The following TBR1 variants were observed in gnomAD, a reference collection of about 807,000 sequenced individuals.
TBR1 encodes the protein T-box brain transcription factor 1.
A neutral mutation model predicts 60.3 loss-of-function variants in TBR1; 7 were observed. The ratio of observed to expected loss-of-function variants is 0.12; its 90% CI spans 0.07 to 0.22. TBR1 has a LOEUF of 0.22. TBR1 is among the 10% of genes least tolerant of loss of function. TBR1 has a pLI of 1.00. For missense variants in TBR1, 616 were observed against 936.8 expected (o/e 0.66, Z 4.47); for synonymous variants, 417 against 409.9 (o/e 1.02, Z -0.21).
At chr2:161,418,758 G>A in intron 3 of TBR1, 134 bp from the exon 4 acceptor site, 1 of 1,239,126 alleles carries the variant, frequency 8.1e-7, no homozygotes, top group Non-Finnish European at 1.1e-6. Flanking sequence ...GGCGAGTCCC[G>A]CGGTCAGTTA....
At chr2:161,423,212 C>T (rs1684259104) in intron 5 of TBR1, 157 bp from the exon 6 acceptor site, 2 of 514,900 alleles carry the variant, frequency 3.9e-6, no homozygotes, top group Non-Finnish European at 3.3e-6. Context: ...TCTGTGGCCT[C>T]TTGTATTCTC....
Position 161,417,376 on chromosome 2 carries a change from G to T in TBR1, c.692+274G>T. On this transcript the variant is annotated intron_variant, in intron 1 of 5. Coordinates refer to ENST00000389554, the MANE Select transcript of TBR1 (RefSeq NM_006593.4). This position sits in a 1 kb window ranked among gnomAD's most constrained non-coding sequence, Gnocchi z 5.3. The stretch of plus-strand genomic sequence containing the variant: ...AGCCCTGGCCAGCGGCTGGGCGATG[G>T]GAGGGACGCATCAACACTGGCATGC... The T allele has an allele frequency of 1.8e-6, 1 of 557,684 alleles. No homozygotes were observed. The highest frequency in any genetic ancestry group is 3.1e-6 in the Non-Finnish European group (1 of 319,484). 34.5% of individuals were successfully genotyped at this position (557,684 alleles called of 1,614,324 possible).
At chr2:161,418,114 G>GTGTGTA in intron 2 of TBR1, 87 bp from the exon 3 acceptor site, 9 of 1,529,490 alleles carry the variant, frequency 5.9e-6, no homozygotes, top group Non-Finnish European at 7.9e-6. Flanking sequence ...GTGTGTGTGT[G>GTGTGTA]TGTGTGTGTG....
Position 161,417,893 on chromosome 2 carries a change from C to A in TBR1, c.847+63C>A. ...TTTAGGTGAGAATGATTAATTAAAG[C>A]CTTTGTGGACTGGCTCGAGCGACTT... On this transcript the variant is annotated intron_variant, in intron 2 of 5. Transcript: ENST00000389554. The surrounding 1 kb of genome is among the most constrained non-coding windows in gnomAD (Gnocchi z 5.3). 1.3e-6 allele frequency: 2 copies of A among 1,569,896 alleles called. No individual in the cohort carries two copies. Among genetic ancestry groups the A allele is most frequent in the Non-Finnish European group, 1.7e-6 (2 of 1,156,740 alleles).
intron 4 of TBR1, chr2:161,419,571 T>A (rs948097949): frequency 6.5e-6 from 1 of 153,428 alleles, no homozygotes; most frequent in African/African-American, 2.4e-5. Context: ...CTACAATAAA[T>A]CAAATTACTG....
Position 161,416,969 on chromosome 2 carries a change from G to C in TBR1, c.559G>C (p.Ala187Pro), listed in dbSNP as rs1187510537. The C allele has an allele frequency of 3.1e-6, 5 of 1,614,204 alleles. No individual in the cohort carries two copies. The highest frequency in any genetic ancestry group is 1.6e-4 in the Middle Eastern group (1 of 6,062). ...GCAGTACGGCCACTCCTACCAAGGA[G>C]CTCCGTTCTACCAGTTCTCCTCCAC... ...PQQYGHSYQGAPFYQFSSTQP... is the reference protein window; with the variant it reads ...PQQYGHSYQGPPFYQFSSTQP... The change falls in exon 1 of 6, where the codon GCT (alanine) becomes CCT (proline). Residue 187 changes from alanine to proline, a missense_variant. Coordinates refer to ENST00000389554, the MANE Select transcript of TBR1 (RefSeq NM_006593.4). The surrounding 1 kb of genome is among the most constrained non-coding windows in gnomAD (Gnocchi z 6.1).
Position 161,424,149 on chromosome 2 carries a change from G to A in TBR1, c.1971G>A (p.Glu657=), listed in dbSNP as rs747145765. The A allele has an allele frequency of 1.1e-5, 18 of 1,613,144 alleles. No homozygotes were observed. Among genetic ancestry groups the A allele is most frequent in the Middle Eastern group, 1.6e-4 (1 of 6,082 alleles). ...AGAGTTCGTCCCCGCTCAAGAGCGAGGTGCTGGCCCAGCGGGACTGCGAGA... is the reference window on the plus strand; with the variant it reads ...AGAGTTCGTCCCCGCTCAAGAGCGAAGTGCTGGCCCAGCGGGACTGCGAGA... ...VSESSSPLKS[E]VLAQRDCEKN... The change falls in exon 6 of 6, where the codon GAG becomes GAA. Residue 657 remains glutamate (E), a synonymous_variant. Transcript: ENST00000389554. This position sits in a 1 kb window ranked among gnomAD's most constrained non-coding sequence, Gnocchi z 4.4.
chr2:161,423,937 G>C lies in TBR1; in HGVS notation c.1759G>C (p.Glu587Gln). The change falls in exon 6 of 6, where the codon GAG (glutamate) becomes CAG (glutamine). Residue 587 changes from glutamate (E) to glutamine (Q), a missense_variant. Physicochemically the swap from Glu to Gln is conservative, Grantham distance 29 (BLOSUM62 2). This residue lies in a region of TBR1 where 210 missense variants were observed against 297.4 expected (regional missense o/e 0.71). Transcript: ENST00000389554. The stretch of plus-strand genomic sequence containing the variant: ...CAATCCCTACCTGGGCGAGGAGGCC[G>C]AGGGCCTGGCCGCCGAGCGCTCGCC... ...GANPYLGEEA[E>Q]GLAAERSPLP... The C allele has an allele frequency of 6.5e-7, 1 of 1,542,776 alleles. No individual in the cohort carries two copies. Among genetic ancestry groups the C allele is most frequent in the Non-Finnish European group, 8.7e-7 (1 of 1,143,356 alleles).
At position 161,418,186 on chromosome 2, in the gene TBR1, T is replaced by C. The variant is rs751020110; in HGVS notation, c.848-15T>C. ...GTGCCAGGGGCATATGTAAACAATG[T>C]ATTTCTTTCTCTAGGAAATCGGGTC... On this transcript the variant is annotated splice_polypyrimidine_tract_variant and intron_variant, in intron 2 of 5. Coordinates refer to ENST00000389554, the MANE Select transcript of TBR1 (RefSeq NM_006593.4). 6 of 1,609,602 alleles carry C rather than the reference T, an allele frequency of 3.7e-6. No individual in the cohort carries two copies. The highest frequency in any genetic ancestry group is 4.2e-6 in the Non-Finnish European group (5 of 1,178,216).
chr2:161,423,402 C>G lies in TBR1; in HGVS notation c.1224C>G (p.Thr408=), dbSNP rs770647787. Residue 408 remains threonine, a synonymous_variant, in exon 6 of 6, where the codon ACC becomes ACG. Coordinates refer to ENST00000389554, the MANE Select transcript of TBR1 (RefSeq NM_006593.4). The part of the protein sequence containing the change: ...IYTGCDMDRL[T]PSPNDSPRSQ... Reference sequence around the variant, plus strand: ...CCGGCTGTGACATGGACCGCCTGACCCCCTCGCCCAACGACTCGCCGCGCT... The same window carrying G: ...CCGGCTGTGACATGGACCGCCTGACGCCCTCGCCCAACGACTCGCCGCGCT... 5.0e-5 allele frequency: 79 copies of G among 1,585,476 alleles called. 1 individual carries two copies. The highest frequency in any genetic ancestry group is 6.3e-5 in the Non-Finnish European group (73 of 1,166,772).
rs1166263087 is a variant in TBR1, at chr2:161,423,980, C to T, written c.1802C>T (p.Ala601Val). 1.9e-6 allele frequency: 3 copies of T among 1,553,048 alleles called. No individual in the cohort carries two copies. The change falls in exon 6 of 6, where the codon GCC (alanine) becomes GTC (valine). Residue 601 changes from alanine to valine, a missense_variant. Physicochemically the swap from Ala to Val is moderately conservative, Grantham distance 64. Transcript: ENST00000389554. Reference protein sequence around the residue: ...AERSPLPPGAAEDAKPKDLSD... With the variant: ...AERSPLPPGAVEDAKPKDLSD... ...CGCTCGCCGCTGCCGCCCGGCGCCG[C>T]CGAGGACGCCAAGCCCAAGGACCTG...
Position 161,419,026 on chromosome 2 carries a change from C to G in TBR1, c.1104C>G (p.Ala368=). 2 of 1,614,210 alleles carry G rather than the reference C, an allele frequency of 1.2e-6. No individual in the cohort carries two copies. The highest frequency in any genetic ancestry group is 1.7e-6 in the Non-Finnish European group (2 of 1,180,040). ...TFTFPETQFI[A]VTAYQNTDIT... is the part of the protein sequence containing the mutation. Reference sequence around the variant, plus strand: ...CTTTCCCTGAGACTCAGTTCATCGCCGTCACCGCCTACCAGAACACGGATG... The same window carrying G: ...CTTTCCCTGAGACTCAGTTCATCGCGGTCACCGCCTACCAGAACACGGATG... The change falls in exon 4 of 6, where the codon GCC becomes GCG. Residue 368 remains alanine, a synonymous_variant. Coordinates refer to ENST00000389554, the MANE Select transcript of TBR1 (RefSeq NM_006593.4).
chr2:161,423,664 G>A lies in TBR1; in HGVS notation c.1486G>A (p.Ala496Thr). 3 of 1,543,744 alleles carry A rather than the reference G, an allele frequency of 1.9e-6. No individual in the cohort carries two copies. Among genetic ancestry groups the A allele is most frequent in the Non-Finnish European group, 2.6e-6 (3 of 1,154,374 alleles). ...VTPANNRLDF[A>T]ASAYDTATDF... ...GCCGGCCAACAACCGGCTGGACTTC[G>A]CGGCCTCGGCCTATGACACGGCCAC... The change falls in exon 6 of 6, where the codon GCG (alanine) becomes ACG (threonine). Residue 496 changes from alanine to threonine, a missense_variant. By Grantham distance (58) the Ala-to-Thr change is moderately conservative (BLOSUM62 0). This residue lies in a region of TBR1 where 210 missense variants were observed against 297.4 expected (regional missense o/e 0.71). Transcript: ENST00000389554.
chr2:161,423,956 G>A lies in TBR1; in HGVS notation c.1778G>A (p.Arg593His). 1.3e-6 allele frequency: 2 copies of A among 1,546,454 alleles called. No individual in the cohort carries two copies. Among genetic ancestry groups the A allele is most frequent in the Non-Finnish European group, 1.7e-6 (2 of 1,145,066 alleles). ...GAGGCCGAGGGCCTGGCCGCCGAGC[G>A]CTCGCCGCTGCCGCCCGGCGCCGCC... Reference protein sequence around the residue: ...GEEAEGLAAERSPLPPGAAED... With the variant: ...GEEAEGLAAEHSPLPPGAAED... The change falls in exon 6 of 6, where the codon CGC becomes CAC. Residue 593 changes from arginine (R) to histidine (H), a missense_variant. By Grantham distance (29) the Arg-to-His change is conservative. Coordinates refer to ENST00000389554, the MANE Select transcript of TBR1 (RefSeq NM_006593.4).
At position 161,416,668 on chromosome 2, in the gene TBR1, C is replaced by G. The variant is rs1684127722; in HGVS notation, c.258C>G (p.Val86=). The G allele has an allele frequency of 2.5e-6, 4 of 1,614,096 alleles. No individual in the cohort carries two copies. The African/African-American group carries it at 5.3e-5, about 22-fold the overall frequency. Residue 86 remains valine (V), a synonymous_variant, in exon 1 of 6, where the codon GTC becomes GTG. Transcript: ENST00000389554. This position sits in a 1 kb window ranked among gnomAD's most constrained non-coding sequence, Gnocchi z 6.1. Reference sequence around the variant, plus strand: ...TCCAGAGAAGTAAACTCTCTCCTGTCTTGGACGGGGTCTCTGAGCTTCGTC... The same window carrying G: ...TCCAGAGAAGTAAACTCTCTCCTGTGTTGGACGGGGTCTCTGAGCTTCGTC... ...GDVQRSKLSP[V]LDGVSELRHS...
chr2:161,416,890 C>T lies in TBR1; in HGVS notation c.480C>T (p.Leu160=). The change falls in exon 1 of 6, where the codon CTC becomes CTT. Residue 160 remains leucine, a synonymous_variant. Transcript: ENST00000389554. This position sits in a 1 kb window ranked among gnomAD's most constrained non-coding sequence, Gnocchi z 6.1. ...TCACCAACGGAGCCTACAACAGCCT[C>T]CTGTCCAACTCCTCGCCGCAGGGAT... ...PVITNGAYNS[L]LSNSSPQGYP... 3.1e-6 allele frequency: 5 copies of T among 1,614,102 alleles called. No homozygotes were observed. The highest frequency in any genetic ancestry group is 4.2e-6 in the Non-Finnish European group (5 of 1,180,010).
intron 4 of TBR1, 196 bp downstream of exon 4, chr2:161,419,246 A>G (rs1012367674): frequency 2.8e-5 from 21 of 737,366 alleles, no homozygotes; most frequent in African/African-American, 5.5e-5. Context: ...GGTGGGAAAA[A>G]GCTTTCTATT....
rs986742017 is a variant in TBR1 at position 161,418,183 on chromosome 2, A to C, written c.848-18A>C. 2 of 1,608,788 alleles carry C rather than the reference A, an allele frequency of 1.2e-6. No homozygotes were observed. Among genetic ancestry groups the C allele is most frequent in the African/African-American group, 2.7e-5 (2 of 74,544 alleles). On this transcript the variant is annotated intron_variant, in intron 2 of 5. Coordinates refer to ENST00000389554, the MANE Select transcript of TBR1 (RefSeq NM_006593.4). ...GCAGTGCCAGGGGCATATGTAAACA[A>C]TGTATTTCTTTCTCTAGGAAATCGG...
At chr2:161,422,904 TGGA>T (rs573222253) in intron 5 of TBR1, 43 of 153,632 alleles carry the variant, frequency 2.8e-4, no homozygotes, top group Non-Finnish European at 5.5e-4. Context: ...CTTAAAAGGG[TGGA>T]GGAGTGAGTA....
Sources: gnomAD v4.1 joint callset for allele counts on GRCh38, gnomAD v4.1.1 for gene constraint, gnomAD v4.1.1 regional missense constraint, Gnocchi (gnomAD v3.1) non-coding constraint, MANE v1.5 for transcripts, NCBI Gene and HGNC (gene_info 2026-07-23, HGNC 2026-07-21) for gene names.